CCDC170: variants seen among roughly 807,000 people sequenced by gnomAD.
The protein encoded by CCDC170 is coiled-coil domain-containing protein 170.
In CCDC170, 69 loss-of-function variants were observed where a neutral mutation model predicts 72.6. The ratio of observed to expected loss-of-function variants is 0.95; its 90% CI spans 0.78 to 1.16. The LOEUF (loss-of-function observed/expected upper bound fraction) is 1.16. Among genes scored for constraint, CCDC170 ranks in the 50% most tolerant of loss-of-function variants. The pLI is 0.00. For synonymous variants in CCDC170, 300 were observed against 303.9 expected (o/e 0.99, Z 0.13); for missense variants, 852 against 832.5 (o/e 1.02, Z -0.29).
chr6:151,556,587 CT>C (rs1163826251), intron 5 of CCDC170, among the ~76,000 whole-genome samples: 4 of 152,144 alleles, frequency 2.6e-5, no homozygotes, highest in African/African-American at 7.2e-5. Context: ...ATGCCTCCTA[CT>C]TTTTTTATTT....
rs143566047 is a variant in CCDC170 at position 151,618,075 on chromosome 6, C to T, written c.2076C>T (p.Thr692=). 2 of 1,614,148 alleles carry T rather than the reference C, an allele frequency of 1.2e-6. No individual in the cohort carries two copies. Among genetic ancestry groups the T allele is most frequent in the South Asian group, 1.1e-5 (1 of 91,072 alleles). Residue 692 remains threonine (T), a synonymous_variant, in exon 11 of 11, where the codon ACC becomes ACT. Coordinates refer to ENST00000239374, the MANE Select transcript of CCDC170 (RefSeq NM_025059.4). The part of the protein sequence containing the change: ...LVHSHQHHFV[T]CACLKDVTTG... ...ATTCACATCAGCATCACTTTGTTAC[C>T]TGTGCCTGCCTCAAAGATGTGACTA...
intron 5 of CCDC170, among the ~76,000 whole-genome samples, chr6:151,552,953 A>AT (rs1562280091): frequency 6.6e-6 from 1 of 151,526 alleles, no homozygotes; most frequent in Non-Finnish European, 1.5e-5. Context: ...TGCTTGGCTA[A>AT]TTTTTTGTAT....
At chr6:151,592,892 G>A in intron 7 of CCDC170, 1 of 591,258 alleles carries the variant, frequency 1.7e-6, no homozygotes, top group Non-Finnish European at 3.0e-6. Flanking sequence ...TCAAGGGCTA[G>A]GAGAGTCAAG....
chr6:151,522,789 A>T (rs1782342727), intron 1 of CCDC170, among the ~76,000 whole-genome samples: 1 of 152,226 alleles, frequency 6.6e-6, no homozygotes, highest in Non-Finnish European at 1.5e-5. Context: ...CTTTATAACA[A>T]CCTTGCATAT....
At chr6:151,572,943 C>G (rs77941944) in intron 5 of CCDC170, among the ~76,000 whole-genome samples, 1 of 151,890 alleles carries the variant, frequency 6.6e-6, no homozygotes, top group African/African-American at 2.4e-5. Flanking sequence ...TGAGCCACCA[C>G]GCCTGGCCCC....
rs139998977 is a variant in CCDC170, at chr6:151,593,204, G to A, written c.1391G>A (p.Arg464Gln). ...ATGCGGCTGGACGTGGTTTTAGCTCGAACAGAGCAGCTGGTTCGTCTTGAG... is the reference window on the plus strand; with the variant it reads ...ATGCGGCTGGACGTGGTTTTAGCTCAAACAGAGCAGCTGGTTCGTCTTGAG... Reference protein sequence around the residue: ...FDMRLDVVLARTEQLVRLESN... With the variant: ...FDMRLDVVLAQTEQLVRLESN... The change falls in exon 8 of 11, where the codon CGA becomes CAA. Residue 464 changes from arginine (R) to glutamine (Q), a missense_variant. Arg to Gln is a conservative substitution (Grantham distance 43, BLOSUM62 1). Transcript: ENST00000239374. 1.2e-4 allele frequency: 189 copies of A among 1,614,178 alleles called. No individual in the cohort carries two copies. Among genetic ancestry groups the A allele is most frequent in the East Asian group, 8.2e-4 (37 of 44,856 alleles).
intron 5 of CCDC170, among the ~76,000 whole-genome samples, chr6:151,572,649 G>GTGTTTTTTTTTTTTTT (rs1776234883): frequency 2.6e-5 from 1 of 37,988 alleles, no homozygotes; most frequent in Non-Finnish European, 4.8e-5. Context: ...CCTTCTCTGT[G>GTGTTTTTTTTTTTTTT]TTTTTTTTTT....
chr6:151,567,684 A>G (rs191201973), intron 5 of CCDC170, among the ~76,000 whole-genome samples: 201 of 152,362 alleles, frequency 1.3e-3, no homozygotes, highest in Non-Finnish European at 2.5e-3. Context: ...TTTAGATTAT[A>G]GTTGGCAAAC....
At chr6:151,495,092 T>G (rs533517360) in intron 1 of CCDC170, among the ~76,000 whole-genome samples, 1 of 152,352 alleles carries the variant, frequency 6.6e-6, no homozygotes, top group South Asian at 2.1e-4. Flanking sequence ...CCCTGGGGGA[T>G]GTAGTGGATT....
In CCDC170 at chr6:151,591,550, G is replaced by A. The variant is rs563185482; in HGVS notation, c.1294-1557G>A. On this transcript the variant is annotated intron_variant, in intron 7 of 10. Transcript: ENST00000239374. ...TGCTCTGTCGCCCAGGCTGGAGTGC[G>A]GTGGTGCAATCTCGGCTTACTATAA... 1.6e-3 allele frequency among the ~76,000 whole-genome samples: 241 copies of A among 151,860 alleles called. 2 individuals are homozygous for A. The highest frequency in any genetic ancestry group is 5.2e-3 in the African/African-American group (217 of 41,400).
At chr6:151,506,218 G>A (rs1782064446) in intron 1 of CCDC170, among the ~76,000 whole-genome samples, 1 of 152,192 alleles carries the variant, frequency 6.6e-6, no homozygotes, top group Non-Finnish European at 1.5e-5. Flanking sequence ...ATACCTCCAA[G>A]TAATGGAATG....
chr6:151,608,951 T>C (rs774334357), intron 9 of CCDC170, among the ~76,000 whole-genome samples: 10 of 152,338 alleles, frequency 6.6e-5, no homozygotes, highest in Admixed American at 2.6e-4. Context: ...GTCCATGATA[T>C]GACTGTGGAC....
At chr6:151,588,073 C>T (rs906150267) in intron 7 of CCDC170, among the ~76,000 whole-genome samples, 2 of 152,082 alleles carry the variant, frequency 1.3e-5, no homozygotes, top group Non-Finnish European at 1.5e-5. Context: ...GCACTGGAGG[C>T]AGCTATAGGA....
intron 1 of CCDC170, among the ~76,000 whole-genome samples, chr6:151,515,155 T>C (rs1014012194): frequency 2.0e-5 from 3 of 152,252 alleles, no homozygotes; most frequent in Non-Finnish European, 4.4e-5. Context: ...ACTTCAAAAT[T>C]ATCCTTGAAA....
At chr6:151,503,080 G>C (rs1782015872) in intron 1 of CCDC170, among the ~76,000 whole-genome samples, 1 of 152,108 alleles carries the variant, frequency 6.6e-6, no homozygotes, top group Admixed American at 6.5e-5. Flanking sequence ...GGGAAGCTGA[G>C]GCAGGAGAAT....
rs879710426 is a variant in CCDC170, at chr6:151,514,349, G to GA, written c.57+20165dup. On this transcript the variant is annotated intron_variant, in intron 1 of 10. Coordinates refer to ENST00000239374, the MANE Select transcript of CCDC170 (RefSeq NM_025059.4). ...GAAAGGAAGGAAGGAGGGAGGGAGG[G>GA]AGGGAGGGAGGGAGGGAGGGAGGGA... 9.8e-3 allele frequency among the ~76,000 whole-genome samples: 983 copies of GA among 100,676 alleles called. 11 individuals carry two copies. Among genetic ancestry groups the GA allele is most frequent in the Non-Finnish European group, 0.013 (666 of 52,566 alleles). 66.0% of individuals were successfully genotyped at this position (100,676 alleles called of 152,430 possible). A position where few individuals can be genotyped will look rare whatever the true frequency, so the allele number is the denominator to read the frequency against.
chr6:151,578,536 A>T (rs867460558), intron 6 of CCDC170, among the ~76,000 whole-genome samples: 1 of 152,082 alleles, frequency 6.6e-6, no homozygotes, highest in Non-Finnish European at 1.5e-5. Flanking sequence ...CACCTTAGGG[A>T]CCTCGTTTTC....
rs1389860645 is a variant in CCDC170 at position 151,617,530 on chromosome 6, T to G, written c.1948-417T>G. Among the ~76,000 whole-genome samples the G allele has an allele frequency of 2.7e-5, 4 of 150,614 alleles. 1 individual carries two copies. Among genetic ancestry groups the G allele is most frequent in the Admixed American group, 1.3e-4 (2 of 14,932 alleles). On this transcript the variant is annotated intron_variant, in intron 10 of 10. Coordinates refer to ENST00000239374, the MANE Select transcript of CCDC170 (RefSeq NM_025059.4). ...TGGGCACAACCCCACCAACATTTGTTTAGTTCTTCCTAGTATGCAGAGCAC... is the reference window on the plus strand; with the variant it reads ...TGGGCACAACCCCACCAACATTTGTGTAGTTCTTCCTAGTATGCAGAGCAC...
At chr6:151,547,697 C>T (rs1161877391) in intron 4 of CCDC170, among the ~76,000 whole-genome samples, 1 of 152,124 alleles carries the variant, frequency 6.6e-6, no homozygotes, top group Non-Finnish European at 1.5e-5. Flanking sequence ...GTCTGTATGG[C>T]TCGTTCCCTG....
Sources: allele counts gnomAD v4.1 joint callset (sites outside exome capture counted in the v4.1 genomes callset), GRCh38; gene constraint gnomAD v4.1.1; transcripts MANE v1.5; gene names NCBI Gene and HGNC (gene_info 2026-07-23, HGNC 2026-07-21).